The following DNAAF10 variants were observed in gnomAD, a reference collection of about 807,000 sequenced individuals.
The protein encoded by DNAAF10 is WD repeat domain 92.
DNAAF10 carries 28 observed loss-of-function variants against 43.7 expected under a neutral mutation model. The ratio of observed to expected loss-of-function variants is 0.64; its 90% CI spans 0.48 to 0.88. DNAAF10 has a LOEUF of 0.88. DNAAF10 is among the 40% of genes least tolerant of loss of function. The pLI is 0.00. For missense variants in DNAAF10, 403 were observed against 439.1 expected, an observed-to-expected ratio of 0.92 and a Z score of 0.73; for synonymous variants, 156 against 157.3, an observed-to-expected ratio of 0.99 and a Z score of 0.06.
At chr2:68,153,745 G>GTTTTTT (rs35521976) in intron 1 of DNAAF10, among the ~76,000 whole-genome samples, 1 of 78,412 alleles carries the variant, frequency 1.3e-5, no homozygotes. Context: ...ACACAATGAA[G>GTTTTTT]TTTTTTTTTT....
intron 3 of DNAAF10, among the ~76,000 whole-genome samples, chr2:68,143,349 A>T (rs1001216413): frequency 6.6e-6 from 1 of 151,978 alleles, no homozygotes; most frequent in Admixed American, 6.6e-5. Context: ...ACACCTGGCT[A>T]ATTTTTGTAT....
intron 2 of DNAAF10, among the ~76,000 whole-genome samples, chr2:68,146,811 A>T (rs1673327159): frequency 6.6e-6 from 1 of 152,134 alleles, no homozygotes; most frequent in Non-Finnish European, 1.5e-5. Flanking sequence ...TTTCTAGAAC[A>T]CTCTAGAACT....
Position 68,141,563 on chromosome 2 carries a change from G to A in DNAAF10, c.517+131C>T, listed in dbSNP as rs559052852. 1.2e-4 allele frequency: 93 copies of A among 761,122 alleles called. No individual in the cohort carries two copies. The South Asian group carries it at 2.2e-3, about 18-fold the overall frequency. 47.1% of individuals were successfully genotyped at this position (761,122 alleles called of 1,614,324 possible). ...CCCAGAGGCTGACATTAACCACCAC[G>A]TGTATTTGCCTCAGTAAACTATTAG... On this transcript the variant is annotated intron_variant, in intron 4 of 7. Transcript: ENST00000295121.
At chr2:68,134,041 T>G in intron 7 of DNAAF10, 5 of 759,116 alleles carry the variant, frequency 6.6e-6, no homozygotes, top group Non-Finnish European at 8.0e-6. Context: ...CCCCTCCAAG[T>G]ACATATTGCT....
chr2:68,147,810 A>C (rs1039542249), intron 1 of DNAAF10, among the ~76,000 whole-genome samples: 2 of 152,220 alleles, frequency 1.3e-5, no homozygotes, highest in Non-Finnish European at 2.9e-5. Context: ...AGACATTCAA[A>C]TGCTGACAGC....
chr2:68,148,817 A>G (rs943041600), intron 1 of DNAAF10, among the ~76,000 whole-genome samples: 2 of 152,214 alleles, frequency 1.3e-5, no homozygotes, highest in Non-Finnish European at 2.9e-5. Context: ...AAACAAAACA[A>G]AAGGATGGAA....
rs1673496715 is a variant in DNAAF10, at chr2:68,153,166, CT to C, written c.183+4094del. Among the ~76,000 whole-genome samples the C allele has an allele frequency of 3.9e-5, 6 of 152,078 alleles. 1 individual carries two copies. The highest frequency in any genetic ancestry group is 3.9e-4 in the Admixed American group (6 of 15,272). Reference sequence around the variant, plus strand: ...CCCACTTGAGCACTCAGCCAGACACCTTTGTGTGGTGCAAAAAACTGCTCAA... The same window carrying C: ...CCCACTTGAGCACTCAGCCAGACACCTTGTGTGGTGCAAAAAACTGCTCAA... On this transcript the variant is annotated intron_variant, in intron 1 of 7. Coordinates refer to ENST00000295121, the MANE Select transcript of DNAAF10 (RefSeq NM_138458.4).
chr2:68,139,862 A>C (rs561825565), intron 4 of DNAAF10, among the ~76,000 whole-genome samples: 2 of 152,284 alleles, frequency 1.3e-5, no homozygotes, highest in African/African-American at 4.8e-5. Context: ...TAGCAGGCCA[A>C]CTACAGCTCA....
At chr2:68,147,433 C>A (rs1294464600) in intron 2 of DNAAF10, 34 bp downstream of exon 2, 1 of 1,501,336 alleles carries the variant, frequency 6.7e-7, no homozygotes, top group African/African-American at 1.4e-5. Context: ...AATTGCCTAT[C>A]TCATCTGTCT....
At chr2:68,147,639 T>G in intron 1 of DNAAF10, 72 bp from the exon 2 acceptor site, 1 of 1,107,478 alleles carries the variant, frequency 9.0e-7, no homozygotes, top group Admixed American at 2.5e-5. Flanking sequence ...AATATCATAT[T>G]TATGGCTCTA....
At chr2:68,155,271 C>T (rs1038016759) in intron 1 of DNAAF10, among the ~76,000 whole-genome samples, 2 of 151,802 alleles carry the variant, frequency 1.3e-5, no homozygotes, top group Non-Finnish European at 2.9e-5. Context: ...GCGGGTGGAT[C>T]ACCTAAGGTC....
At chr2:68,138,981 T>TAGTA (rs1673111959) in intron 4 of DNAAF10, 124 bp from the exon 5 acceptor site, 1 of 679,590 alleles carries the variant, frequency 1.5e-6, no homozygotes, top group Admixed American at 2.4e-5. Flanking sequence ...TCACACTGGG[T>TAGTA]AGTATCCCAT....
chr2:68,151,051 AC>A (rs949772059), intron 1 of DNAAF10, among the ~76,000 whole-genome samples: 2 of 152,258 alleles, frequency 1.3e-5, no homozygotes, highest in African/African-American at 4.8e-5. Flanking sequence ...ATACATTTTC[AC>A]AGTTGTCATT....
intron 3 of DNAAF10, among the ~76,000 whole-genome samples, chr2:68,144,124 T>C (rs553563799): frequency 2.0e-5 from 3 of 152,228 alleles, no homozygotes; most frequent in Admixed American, 1.3e-4. Context: ...AAGAGCTGAG[T>C]TGGTGCCTTT....
chr2:68,133,308 TCTC>T (rs1672962742), intron 7 of DNAAF10, among the ~76,000 whole-genome samples: 1 of 152,050 alleles, frequency 6.6e-6, no homozygotes, highest in South Asian at 2.1e-4. Flanking sequence ...AGTGGTGCGA[TCTC>T]GACTCACTGA....
At chr2:68,132,456 A>G (rs1241357192) in intron 7 of DNAAF10, among the ~76,000 whole-genome samples, 2 of 152,242 alleles carry the variant, frequency 1.3e-5, no homozygotes, top group Non-Finnish European at 2.9e-5. Flanking sequence ...TCTCTTGGCA[A>G]AGGCTGCAGT....
intron 3 of DNAAF10, among the ~76,000 whole-genome samples, chr2:68,142,509 T>C (rs536836792): frequency 6.6e-6 from 1 of 152,344 alleles, no homozygotes; most frequent in African/African-American, 2.4e-5. Context: ...TCCACCTGCC[T>C]GGGCTTCCCA....
intron 7 of DNAAF10, 125 bp from the exon 8 acceptor site, chr2:68,131,570 C>A (rs1672932564): frequency 1.2e-6 from 1 of 864,308 alleles, no homozygotes; most frequent in Non-Finnish European, 1.8e-6. Context: ...CTTAAAGAAT[C>A]TTTCTAATAC....
chr2:68,156,914 T>C (rs1159226567), intron 1 of DNAAF10: 2 of 314,924 alleles, frequency 6.4e-6, no homozygotes, highest in Non-Finnish European at 1.2e-5. Flanking sequence ...CTCCATGAGA[T>C]GGGGGACATT....
Sources: allele counts gnomAD v4.1 joint callset (sites outside exome capture counted in the v4.1 genomes callset), GRCh38; gene constraint gnomAD v4.1.1; transcripts MANE v1.5; gene names NCBI Gene and HGNC (gene_info 2026-07-23, HGNC 2026-07-21).